Variants in FBXO34 observed in about 807,000 individuals in gnomAD.
FBXO34 encodes F-box only protein 34.
Under a neutral mutation model 24.5 loss-of-function variants are expected in FBXO34, and 12 were observed. That is an observed-to-expected ratio of 0.49 (90% CI 0.31 to 0.79). FBXO34 has a LOEUF of 0.79. FBXO34 is among the 30% of genes least tolerant of loss of function. The probability of loss-of-function intolerance (pLI) is 0.04; values close to 1 mark genes in which losing one functional copy is unlikely to be tolerated. For synonymous variants in FBXO34, 320 were observed against 311.9 expected (o/e 1.03, Z -0.27); for missense variants, 823 against 857.7 (o/e 0.96, Z 0.51).
chr14:55,331,727 ATGTATATATATATG>A (rs1857934965), intron 1 of FBXO34, among the ~76,000 whole-genome samples: 1 of 49,800 alleles, frequency 2.0e-5, no homozygotes, highest in African/African-American at 2.0e-4. Flanking sequence ...GTATATATAT[ATGTATATATATATG>A]TGTGTATATA....
chr14:55,398,456 T>G, the FBXO34 span, among the ~76,000 whole-genome samples: 2 of 152,226 alleles, frequency 1.3e-5, no homozygotes, highest in Non-Finnish European at 2.9e-5. Flanking sequence ...TAAGATTTGA[T>G]ATTGTGTATT....
downstream of FBXO34, among the ~76,000 whole-genome samples, chr14:55,372,540 T>TCCTTCTTTCCCTTTCTCCCTCCCTC (rs1021357372): frequency 6.6e-6 from 1 of 151,528 alleles, no homozygotes; most frequent in African/African-American, 2.4e-5. Context: ...ACTCCTCCCT[T>TCCTTCTTTCCCTTTCTCCCTCCCTC]CCTTCTTTCC....
chr14:55,282,195 A>T, intron 1 of FBXO34: 1 of 197,300 alleles, frequency 5.1e-6, no homozygotes, highest in South Asian at 7.9e-5. Flanking sequence ...GGGTTTCTCC[A>T]TGTTGGCCAA....
At chr14:55,287,212 A>C (rs1292113240) in intron 1 of FBXO34, among the ~76,000 whole-genome samples, 1 of 152,180 alleles carries the variant, frequency 6.6e-6, no homozygotes, top group African/African-American at 2.4e-5. Context: ...GGTATCATTT[A>C]CATCTTATAC....
At chr14:55,303,592 TTATC>T (rs1882437659) in intron 1 of FBXO34, among the ~76,000 whole-genome samples, 1 of 139,594 alleles carries the variant, frequency 7.2e-6, no homozygotes, top group Non-Finnish European at 1.6e-5. Flanking sequence ...TCTCCCATTC[TTATC>T]TTTTTTTTTT....
chr14:55,323,184 CAAAAA>C (rs368380622), intron 1 of FBXO34, among the ~76,000 whole-genome samples: 135 of 12,138 alleles, frequency 0.011, 22 homozygotes, highest in East Asian at 0.028. Flanking sequence ...GACTCTGTCT[CAAAAA>C]AAAAAAAAAA....
chr14:55,369,533 CTT>C, downstream of FBXO34: 1 of 1,268,154 alleles, frequency 7.9e-7, no homozygotes. Flanking sequence ...CAGACACTAT[CTT>C]AACTTAAACA....
intron 1 of FBXO34, chr14:55,298,610 C>A: frequency 1.8e-6 from 2 of 1,133,670 alleles, no homozygotes; most frequent in Non-Finnish European, 2.5e-6. Flanking sequence ...CGGAGCCCAG[C>A]CGGAGCGGGC....
chr14:55,423,569 C>A, the FBXO34 span, among the ~76,000 whole-genome samples: 1 of 152,212 alleles, frequency 6.6e-6, no homozygotes, highest in African/African-American at 2.4e-5. Context: ...CTAAAGCCAT[C>A]CTGCTGCCTG....
the FBXO34 span, among the ~76,000 whole-genome samples, chr14:55,390,540 A>G: frequency 2.7e-4 from 41 of 151,374 alleles, no homozygotes; most frequent in Non-Finnish European, 4.4e-4. Flanking sequence ...CACCCAGCTA[A>G]GTTTTTGTAT....
intron 1 of FBXO34, among the ~76,000 whole-genome samples, chr14:55,314,503 C>T (rs1882860797): frequency 1.3e-5 from 2 of 150,944 alleles, no homozygotes; most frequent in African/African-American, 4.9e-5. Flanking sequence ...TTTTGTCTCC[C>T]CTTGAGTCTG....
At chr14:55,377,510 A>T in the FBXO34 span, among the ~76,000 whole-genome samples, 5 of 152,180 alleles carry the variant, frequency 3.3e-5, no homozygotes, top group Non-Finnish European at 7.3e-5. Context: ...ATAGACGCAG[A>T]TCCAAAGACA....
chr14:55,433,634 T>C, the FBXO34 span: 1 of 1,614,048 alleles, frequency 6.2e-7, no homozygotes, highest in East Asian at 2.2e-5. Context: ...TCATACCTTT[T>C]GGCTCCCGTG....
chr14:55,276,856 G>A (rs1053896312), intron 1 of FBXO34, among the ~76,000 whole-genome samples: 3 of 152,156 alleles, frequency 2.0e-5, no homozygotes, highest in African/African-American at 2.4e-5. Context: ...ATTCTTGGAT[G>A]TGCTGGGAGT....
the FBXO34 span, among the ~76,000 whole-genome samples, chr14:55,375,911 G>C: frequency 6.6e-6 from 1 of 152,158 alleles, no homozygotes; most frequent in Non-Finnish European, 1.5e-5. Flanking sequence ...TTCCTTGTAG[G>C]TTTATGATAG....
the FBXO34 span, among the ~76,000 whole-genome samples, chr14:55,409,605 AAG>A: frequency 6.6e-6 from 1 of 152,160 alleles, no homozygotes; most frequent in Non-Finnish European, 1.5e-5. Flanking sequence ...TTCTGAGAGA[AAG>A]AGTTCCTGGC....
At chr14:55,370,890 C>T (rs1268936655), downstream of FBXO34, among the ~76,000 whole-genome samples, 2 of 152,158 alleles carry the variant, frequency 1.3e-5, no homozygotes, top group Non-Finnish European at 2.9e-5. Flanking sequence ...ATCCACCCAC[C>T]CCTGCCTCTC....
At chr14:55,393,371 C>T in the FBXO34 span, among the ~76,000 whole-genome samples, 1 of 149,792 alleles carries the variant, frequency 6.7e-6, no homozygotes, top group African/African-American at 2.5e-5. Context: ...GGTGACAGAG[C>T]GAGACTCTGT....
chr14:55,434,722 C>A, the FBXO34 span, among the ~76,000 whole-genome samples: 1 of 152,302 alleles, frequency 6.6e-6, no homozygotes, highest in Non-Finnish European at 1.5e-5. Flanking sequence ...AAAAGGAAAG[C>A]TTTATTGTAT....
Sources: gnomAD v4.1 joint callset for allele counts (sites outside exome capture counted in the v4.1 genomes callset) on GRCh38, gnomAD v4.1.1 for gene constraint, MANE v1.5 for transcripts, NCBI Gene and HGNC (gene_info 2026-07-23, HGNC 2026-07-21) for gene names.